MTSS1: variants seen among roughly 807,000 people sequenced by gnomAD.
The protein encoded by MTSS1 is MTSS I-BAR domain containing 1.
In MTSS1, 18 loss-of-function variants were observed where a neutral mutation model predicts 79.0. The observed-to-expected ratio is 0.23, with a 90% CI of 0.16 to 0.34. The LOEUF is 0.34. Ranked by LOEUF, MTSS1 falls within the 10% of genes least tolerant of loss-of-function variation. The probability of loss-of-function intolerance (pLI) is 1.00; values close to 1 mark genes in which losing one functional copy is unlikely to be tolerated. For missense variants in MTSS1, 815 were observed against 986.2 expected (o/e 0.83, Z 2.33); for synonymous variants, 341 against 368.6 (o/e 0.93, Z 0.86).
At chr8:124,686,853 G>GA (rs1827068557) in intron 3 of MTSS1, among the ~76,000 whole-genome samples, 1 of 152,132 alleles carries the variant, frequency 6.6e-6, no homozygotes, top group South Asian at 2.1e-4. Flanking sequence ...GTGTCACATA[G>GA]ACGAGATACA....
At chr8:124,594,956 G>A (rs1344185586) in intron 3 of MTSS1, among the ~76,000 whole-genome samples, 1 of 152,118 alleles carries the variant, frequency 6.6e-6, no homozygotes, top group Non-Finnish European at 1.5e-5. Flanking sequence ...TTTGCGAGTG[G>A]GCATATTTGT....
At chr8:124,558,961 C>T in intron 10 of MTSS1, 2 of 1,258,744 alleles carry the variant, frequency 1.6e-6, no homozygotes, top group South Asian at 1.7e-5. Flanking sequence ...AAGAGACAGA[C>T]ATATACACAG....
chr8:124,652,807 A>C lies in MTSS1; in HGVS notation c.208+46719T>G, dbSNP rs566981753. ...GAGACTCCGTCTCAAAAAAAAAAAA[A>C]AAAAAACACAGCCATCAAGAGCAAC... On this transcript the variant is annotated intron_variant, in intron 3 of 13. Coordinates refer to ENST00000518547, the MANE Select transcript of MTSS1 (RefSeq NM_014751.6). Among the ~76,000 whole-genome samples, 11 of 152,056 alleles carry C rather than the reference A, an allele frequency of 7.2e-5. No individual in the cohort carries two copies. In the South Asian group the frequency reaches 8.3e-4, roughly 12 times the overall value.
intron 1 of MTSS1, among the ~76,000 whole-genome samples, chr8:124,708,238 G>A (rs1019810089): frequency 7.9e-5 from 12 of 152,190 alleles, no homozygotes; most frequent in Non-Finnish European, 2.9e-5. Flanking sequence ...TCTTCACAGG[G>A]CTGAGAGGAG....
At chr8:124,724,518 GT>G (rs1406692072) in intron 1 of MTSS1, among the ~76,000 whole-genome samples, 1 of 152,190 alleles carries the variant, frequency 6.6e-6, no homozygotes, top group Admixed American at 6.5e-5. Context: ...AGCAGGCCCA[GT>G]TCAGCTCTCG....
chr8:124,614,431 A>C (rs1304511048), intron 3 of MTSS1, among the ~76,000 whole-genome samples: 1 of 152,196 alleles, frequency 6.6e-6, no homozygotes, highest in African/African-American at 2.4e-5. Flanking sequence ...TTCTTTTCCC[A>C]ATGTGGAGAC....
chr8:124,648,899 C>T (rs761217273), intron 3 of MTSS1, among the ~76,000 whole-genome samples: 1 of 152,166 alleles, frequency 6.6e-6, no homozygotes, highest in Non-Finnish European at 1.5e-5. Context: ...GGGGTCCACC[C>T]GGGACTACCC....
At chr8:124,677,253 G>C (rs903148747) in intron 3 of MTSS1, among the ~76,000 whole-genome samples, 1 of 152,112 alleles carries the variant, frequency 6.6e-6, no homozygotes, top group African/African-American at 2.4e-5. Context: ...AAAGGTAAGA[G>C]GAAATATATT....
At chr8:124,567,392 G>T (rs1463092513) in intron 7 of MTSS1, among the ~76,000 whole-genome samples, 1 of 152,256 alleles carries the variant, frequency 6.6e-6, no homozygotes, top group Admixed American at 6.5e-5. Context: ...GGAGTGACCT[G>T]TGCACAGGGG....
At chr8:124,685,314 A>C (rs1339164463) in intron 3 of MTSS1, among the ~76,000 whole-genome samples, 1 of 152,172 alleles carries the variant, frequency 6.6e-6, no homozygotes, top group Non-Finnish European at 1.5e-5. Flanking sequence ...TGTTATATGA[A>C]TTTCACCTCA....
chr8:124,725,544 T>TTTA (rs1444103551), intron 1 of MTSS1, among the ~76,000 whole-genome samples: 6 of 152,158 alleles, frequency 3.9e-5, no homozygotes, highest in Non-Finnish European at 8.8e-5. Flanking sequence ...GTTTCCGACA[T>TTTA]TTACGCTTTT....
chr8:124,553,169 G>A lies in MTSS1; in HGVS notation c.2091C>T (p.Asp697=), dbSNP rs143221092. ...TGGCACTTGGGGGTTCCCGTTCCTGGTCTTCAGCTTCACTTTCTGGAATTG... is the reference window on the plus strand; with the variant it reads ...TGGCACTTGGGGGTTCCCGTTCCTGATCTTCAGCTTCACTTTCTGGAATTG... ...RQAIPESEAE[D]QEREPPSATV... The change falls in exon 14 of 14, where the codon GAC becomes GAT. Residue 697 remains aspartate (D), a synonymous_variant. Coordinates refer to ENST00000518547, the MANE Select transcript of MTSS1 (RefSeq NM_014751.6). The surrounding 1 kb of genome is among the most constrained non-coding windows in gnomAD (Gnocchi z 6.0). 2.5e-5 allele frequency: 40 copies of A among 1,613,988 alleles called. No homozygotes were observed. The highest frequency in any genetic ancestry group is 3.3e-5 in the Non-Finnish European group (39 of 1,180,038).
intron 9 of MTSS1, chr8:124,563,394 A>G (rs1825751883): frequency 9.2e-6 from 2 of 217,986 alleles, no homozygotes; most frequent in African/African-American, 4.7e-5. Flanking sequence ...TGCCTGCAGG[A>G]ACCATGAGCC....
chr8:124,600,146 G>A (rs144195769), intron 3 of MTSS1, among the ~76,000 whole-genome samples: 9 of 151,464 alleles, frequency 5.9e-5, no homozygotes, highest in East Asian at 1.9e-4. Flanking sequence ...TTTCCATGTC[G>A]GGCTTCTTGT....
At chr8:124,667,447 C>A (rs890274475) in intron 3 of MTSS1, among the ~76,000 whole-genome samples, 1 of 151,886 alleles carries the variant, frequency 6.6e-6, no homozygotes, top group Non-Finnish European at 1.5e-5. Context: ...GAGTTTGAGA[C>A]CATCCTGACC....
chr8:124,603,381 C>T (rs911452163), intron 3 of MTSS1, among the ~76,000 whole-genome samples: 23 of 152,226 alleles, frequency 1.5e-4, no homozygotes, highest in South Asian at 4.1e-4. Context: ...CGCAGGACTT[C>T]CACGCTTGCT....
intron 3 of MTSS1, among the ~76,000 whole-genome samples, chr8:124,632,474 C>T (rs1816175983): frequency 6.6e-6 from 1 of 151,726 alleles, no homozygotes; most frequent in Non-Finnish European, 1.5e-5. Flanking sequence ...CATAGTAAGA[C>T]CCCACCTCTA....
At chr8:124,695,622 T>C (rs1030962355) in intron 3 of MTSS1, among the ~76,000 whole-genome samples, 6 of 152,224 alleles carry the variant, frequency 3.9e-5, no homozygotes, top group Non-Finnish European at 8.8e-5. Context: ...TACCTGGAGA[T>C]AACCTAAATA....
At chr8:124,637,777 A>G (rs1301771687) in intron 3 of MTSS1, among the ~76,000 whole-genome samples, 1 of 152,218 alleles carries the variant, frequency 6.6e-6, no homozygotes, top group Non-Finnish European at 1.5e-5. Context: ...CACAAGCTAA[A>G]CAGCTGTTTT....
Sources: gnomAD v4.1 joint callset for allele counts (sites outside exome capture counted in the v4.1 genomes callset) on GRCh38, gnomAD v4.1.1 for gene constraint, Gnocchi (gnomAD v3.1) non-coding constraint, MANE v1.5 for transcripts, NCBI Gene and HGNC (gene_info 2026-07-23, HGNC 2026-07-21) for gene names.